The following GLB1 variants were observed in gnomAD, a reference collection of about 807,000 sequenced individuals.
The protein encoded by GLB1 is galactosidase beta 1, also known as beta-galactosidase.
Under a neutral mutation model 74.0 loss-of-function variants are expected in GLB1, and 56 were observed. The ratio of observed to expected loss-of-function variants is 0.76; its 90% CI spans 0.61 to 0.94. The LOEUF (loss-of-function observed/expected upper bound fraction) is 0.94, where lower values mean the gene tolerates loss of function less well. Ranked by LOEUF, GLB1 falls within the 40% of genes least tolerant of loss-of-function variation. The probability of loss-of-function intolerance (pLI) is 0.00; values close to 1 mark genes in which losing one functional copy is unlikely to be tolerated. For synonymous variants in GLB1, 323 were observed against 323.6 expected (o/e 1.00, Z 0.02); for missense variants, 787 against 845.5 (o/e 0.93, Z 0.86).
chr3:32,982,421 CAA>C, the GLB1 span, among the ~76,000 whole-genome samples: 4 of 149,128 alleles, frequency 2.7e-5, no homozygotes, highest in African/African-American at 9.9e-5. Context: ...ATTTAATTTT[CAA>C]AGTTTAAAAT....
At chr3:32,968,374 G>A in the GLB1 span, among the ~76,000 whole-genome samples, 1 of 152,036 alleles carries the variant, frequency 6.6e-6, no homozygotes, top group Non-Finnish European at 1.5e-5. Context: ...ACTGGTCAAG[G>A]GCTACTGCAC....
At chr3:33,036,945 G>T (rs1417358181) in intron 10 of GLB1, among the ~76,000 whole-genome samples, 1 of 152,082 alleles carries the variant, frequency 6.6e-6, no homozygotes. Flanking sequence ...ATAGATAATG[G>T]TGATGGCTGT....
chr3:33,090,281 A>G, intron 1 of GLB1: 1 of 529,318 alleles, frequency 1.9e-6, no homozygotes, highest in Non-Finnish European at 2.4e-6. Context: ...AAAAATAAAG[A>G]GTACAGGTGG....
intron 10 of GLB1, among the ~76,000 whole-genome samples, chr3:33,044,640 T>C (rs1407008173): frequency 6.6e-6 from 1 of 152,178 alleles, no homozygotes; most frequent in Non-Finnish European, 1.5e-5. Flanking sequence ...AAAATTTAGA[T>C]GAAATGGACA....
At chr3:32,977,626 C>A in the GLB1 span, among the ~76,000 whole-genome samples, 5 of 152,198 alleles carry the variant, frequency 3.3e-5, no homozygotes, top group African/African-American at 9.7e-5. Flanking sequence ...GAAGCCTTGA[C>A]TGAGGACCTA....
downstream of GLB1, among the ~76,000 whole-genome samples, chr3:32,994,617 A>G (rs1696275803): frequency 6.6e-6 from 1 of 151,966 alleles, no homozygotes; most frequent in Non-Finnish European, 1.5e-5. Context: ...GGCACTATCT[A>G]TGTATTAAGA....
rs11129543 is a variant in GLB1 at position 33,068,698 on chromosome 3, G to T, written c.396+122C>A. 0.59 allele frequency: 926,161 copies of T among 1,564,646 alleles called. 282,712 individuals are homozygous for T. Among genetic ancestry groups the T allele is most frequent in the Middle Eastern group, 0.64 (2,799 of 4,360 alleles). Reference sequence around the variant, plus strand: ...CCTTGTCAAGGTAAAAGACACCTGTGCTGGGTACAGTCCCAGGCCCCATGC... The same window carrying T: ...CCTTGTCAAGGTAAAAGACACCTGTTCTGGGTACAGTCCCAGGCCCCATGC... On this transcript the variant is annotated intron_variant, in intron 3 of 15. Coordinates refer to ENST00000307363, the MANE Select transcript of GLB1 (RefSeq NM_000404.4).
the GLB1 span, among the ~76,000 whole-genome samples, chr3:32,976,424 C>T: frequency 6.6e-6 from 1 of 152,192 alleles, no homozygotes; most frequent in East Asian, 1.9e-4. Flanking sequence ...GCAGACACAA[C>T]CCACACTGTG....
chr3:33,064,307 G>T (rs568608919), intron 5 of GLB1, among the ~76,000 whole-genome samples: 98 of 151,218 alleles, frequency 6.5e-4, no homozygotes, highest in Admixed American at 1.4e-3. Flanking sequence ...AGGCATCGTG[G>T]TGCACGCCTG....
the GLB1 span, among the ~76,000 whole-genome samples, chr3:32,974,510 T>C: frequency 6.6e-6 from 1 of 152,166 alleles, no homozygotes; most frequent in Non-Finnish European, 1.5e-5. Flanking sequence ...TATCCATAAA[T>C]TTATAAATAT....
chr3:33,051,872 TG>T lies in GLB1; in HGVS notation c.914+10del. 6.2e-7 allele frequency: 1 copy of T among 1,614,196 alleles called. No homozygotes were observed. Among genetic ancestry groups the T allele is most frequent in the Non-Finnish European group, 8.5e-7 (1 of 1,180,034 alleles). On this transcript the variant is annotated intron_variant, in intron 8 of 15. Coordinates refer to ENST00000307363, the MANE Select transcript of GLB1 (RefSeq NM_000404.4). ...CTGAGGGCACCCTCCCCTCAGGCAA[TG>T]AACACTCACAAGTTCACACTCGCCC...
chr3:33,094,038 T>C lies in GLB1; in HGVS notation c.75+2973A>G, dbSNP rs1334166928. 1 of 1,613,978 alleles carries C rather than the reference T, an allele frequency of 6.2e-7. No homozygotes were observed. The highest frequency in any genetic ancestry group is 1.7e-5 in the Admixed American group (1 of 60,006). On this transcript the variant is annotated intron_variant, in intron 1 of 15. Transcript: ENST00000307363. ...GAGGGAGCCAATGAGCAAGAGCGAG[T>C]TGACAAACAGGGCAAGCTGCAAGCG...
At chr3:32,989,422 A>G in the GLB1 span, among the ~76,000 whole-genome samples, 1 of 152,222 alleles carries the variant, frequency 6.6e-6, no homozygotes, top group South Asian at 2.1e-4. Flanking sequence ...GCTGAGTGTC[A>G]AAACATGAAT....
intron 1 of GLB1, among the ~76,000 whole-genome samples, chr3:33,088,198 C>G (rs1304058897): frequency 6.6e-6 from 1 of 152,114 alleles, no homozygotes; most frequent in South Asian, 2.1e-4. Context: ...CCTCTAAGAT[C>G]AGGAAAAAGG....
At chr3:33,012,622 C>T (rs1697074261) in intron 15 of GLB1, among the ~76,000 whole-genome samples, 2 of 152,172 alleles carry the variant, frequency 1.3e-5, no homozygotes, top group Non-Finnish European at 2.9e-5. Context: ...TTTGTTATAG[C>T]AGCCCAAATA....
chr3:33,026,699 T>C (rs945954575), intron 10 of GLB1, among the ~76,000 whole-genome samples: 10 of 152,018 alleles, frequency 6.6e-5, no homozygotes, highest in African/African-American at 2.4e-4. Context: ...GACCAGAAGA[T>C]GGAGAGACAA....
rs1009872931 is a variant in GLB1, at chr3:33,014,435, G to A, written c.1480-125C>T. The A allele has an allele frequency of 2.6e-5, 37 of 1,410,416 alleles. No individual in the cohort carries two copies. The African/African-American group carries it at 3.0e-4, about 11-fold the overall frequency. The allele number at this position is 1,410,416 out of a possible 1,614,324, so 87.4% of individuals were successfully genotyped here. A position where few individuals can be genotyped will look rare whatever the true frequency, so the allele number is the denominator to read the frequency against. ...AAAACACCAACAGGAAATGAACCTC[G>A]AAATATGTGTACATCGAAGTAACAC... On this transcript the variant is annotated intron_variant, in intron 14 of 15. Transcript: ENST00000307363.
At chr3:33,076,219 T>C (rs1700097235) in intron 1 of GLB1, among the ~76,000 whole-genome samples, 1 of 152,008 alleles carries the variant, frequency 6.6e-6, no homozygotes, top group Non-Finnish European at 1.5e-5. Flanking sequence ...AAGTTAGCCA[T>C]GGGGGAAGGT....
intron 15 of GLB1, among the ~76,000 whole-genome samples, chr3:33,009,798 C>T (rs1696947412): frequency 6.6e-6 from 1 of 152,216 alleles, no homozygotes; most frequent in Non-Finnish European, 1.5e-5. Context: ...CCCTAGGCAA[C>T]CAGTAAGCTA....
Sources: allele counts gnomAD v4.1 joint callset (sites outside exome capture counted in the v4.1 genomes callset), GRCh38; gene constraint gnomAD v4.1.1; transcripts MANE v1.5; gene names NCBI Gene and HGNC (gene_info 2026-07-23, HGNC 2026-07-21).